Variants in CDC73 observed in about 807,000 individuals in gnomAD.
CDC73 encodes parafibromin.
CDC73 carries 21 observed loss-of-function variants against 83.7 expected under a neutral mutation model. That is an observed-to-expected ratio of 0.25 (90% CI 0.18 to 0.36). The LOEUF (loss-of-function observed/expected upper bound fraction) is 0.36. Among genes scored for constraint, CDC73 ranks in the 10% least tolerant of loss-of-function variants. The pLI, the probability that CDC73 is intolerant of heterozygous loss-of-function variation, is 1.00. For synonymous variants in CDC73, 224 were observed against 212.9 expected (o/e 1.05, Z -0.45); for missense variants, 342 against 653.3 (o/e 0.52, Z 5.19).
intron 10 of CDC73, among the ~76,000 whole-genome samples, chr1:193,167,965 G>T (rs146379976): frequency 0.012 from 1,858 of 152,130 alleles, 18 homozygotes; most frequent in South Asian, 0.034. Flanking sequence ...GGTTCAAGCA[G>T]TTCTCCTGCC....
chr1:193,165,189 C>G (rs964206272), intron 10 of CDC73, among the ~76,000 whole-genome samples: 2 of 152,192 alleles, frequency 1.3e-5, no homozygotes, highest in Non-Finnish European at 2.9e-5. Context: ...GCATGGAAAT[C>G]ACTTTCTCTA....
At chr1:193,153,317 G>T (rs2370029) in intron 10 of CDC73, among the ~76,000 whole-genome samples, 1 of 151,930 alleles carries the variant, frequency 6.6e-6, no homozygotes, top group African/African-American at 2.4e-5. Context: ...CAGGAATTCT[G>T]TTAACCTCAT....
At chr1:193,155,557 C>G (rs1223749292) in intron 10 of CDC73, among the ~76,000 whole-genome samples, 1 of 152,144 alleles carries the variant, frequency 6.6e-6, no homozygotes, top group African/African-American at 2.4e-5. Context: ...GTGGGCAGAT[C>G]ACTTGAAGCC....
intron 10 of CDC73, among the ~76,000 whole-genome samples, chr1:193,187,746 C>T (rs997789222): frequency 6.6e-6 from 1 of 151,986 alleles, no homozygotes. Context: ...AAAATTTTGT[C>T]CACATATTTT....
chr1:193,189,045 C>G (rs1253449140), intron 10 of CDC73, among the ~76,000 whole-genome samples: 2 of 151,778 alleles, frequency 1.3e-5, no homozygotes, highest in East Asian at 1.9e-4. Flanking sequence ...CCTCTGCTTC[C>G]CAGGTTCAAG....
intron 13 of CDC73, among the ~76,000 whole-genome samples, chr1:193,221,341 G>A (rs1339338817): frequency 6.6e-6 from 1 of 151,998 alleles, no homozygotes; most frequent in Non-Finnish European, 1.5e-5. Context: ...CCTGGGACTC[G>A]ATTTTAGTTC....
chr1:193,211,924 A>G (rs750681586), intron 11 of CDC73, 141 bp from the exon 12 acceptor site: 7 of 661,068 alleles, frequency 1.1e-5, no homozygotes, highest in Non-Finnish European at 1.6e-5. Context: ...TGTTGAGAAG[A>G]TAGTTGTAAA....
intron 10 of CDC73, among the ~76,000 whole-genome samples, chr1:193,172,446 G>C (rs775613465): frequency 1.8e-4 from 28 of 152,072 alleles, no homozygotes; most frequent in Non-Finnish European, 4.0e-4. Context: ...GATTAGGGAA[G>C]AAGAGAGAAT....
At chr1:193,155,101 T>A (rs1452168259) in intron 10 of CDC73, among the ~76,000 whole-genome samples, 1 of 152,246 alleles carries the variant, frequency 6.6e-6, no homozygotes, top group Non-Finnish European at 1.5e-5. Context: ...GACTAAATTA[T>A]GCAGACGGCT....
intron 10 of CDC73, among the ~76,000 whole-genome samples, chr1:193,195,534 T>C (rs1192871794): frequency 6.6e-6 from 1 of 152,188 alleles, no homozygotes; most frequent in Non-Finnish European, 1.5e-5. Context: ...AATTGTTGGA[T>C]CATATGTTAA....
At chr1:193,145,512 T>C (rs1044973654) in intron 7 of CDC73, among the ~76,000 whole-genome samples, 18 of 152,232 alleles carry the variant, frequency 1.2e-4, no homozygotes, top group African/African-American at 4.1e-4. Flanking sequence ...CTGCCACTCT[T>C]TCTTGTCATT....
intron 13 of CDC73, among the ~76,000 whole-genome samples, chr1:193,232,200 T>G (rs1325843986): frequency 6.6e-6 from 1 of 152,112 alleles, no homozygotes; most frequent in South Asian, 2.1e-4. Context: ...CTCTGAAGTT[T>G]GATGGTATTT....
intron 10 of CDC73, among the ~76,000 whole-genome samples, chr1:193,201,701 C>T (rs1677093992): frequency 6.6e-6 from 1 of 151,934 alleles, no homozygotes; most frequent in African/African-American, 2.4e-5. Flanking sequence ...CAAAAATAGA[C>T]AAAAATTCCT....
chr1:193,240,085 T>G (rs1206168485), intron 15 of CDC73, among the ~76,000 whole-genome samples: 2 of 152,134 alleles, frequency 1.3e-5, no homozygotes, highest in African/African-American at 2.4e-5. Context: ...CTTTTAACGT[T>G]CCCACATAAA....
Position 193,147,883 on chromosome 1 carries a change from T to C in CDC73, c.746T>C (p.Ile249Thr), listed in dbSNP as rs973863694. The C allele has an allele frequency of 7.5e-6, 12 of 1,608,146 alleles. No individual in the cohort carries two copies. The highest frequency in any genetic ancestry group is 1.0e-5 in the Non-Finnish European group (12 of 1,175,128). Residue 249 changes from isoleucine (I) to threonine (T), a missense_variant, in exon 8 of 17, where the codon ATT (isoleucine) becomes ACT (threonine). Transcript: ENST00000367435. The stretch of plus-strand genomic sequence containing the variant: ...ATATTTTAGAATTTTTCCAAGAACA[T>C]TTTTGCAATTCTTCAATCTGTAAAA... The part of the protein sequence containing the change: ...QSTGKNFSKN[I>T]FAILQSVKAR...
chr1:193,242,103 A>G (rs1018601804), intron 15 of CDC73, among the ~76,000 whole-genome samples: 1 of 152,140 alleles, frequency 6.6e-6, no homozygotes, highest in African/African-American at 2.4e-5. Context: ...GCAGGTTTGC[A>G]GGGGTTGGGG....
chr1:193,123,386 G>T (rs984849361), intron 1 of CDC73, among the ~76,000 whole-genome samples: 4 of 152,024 alleles, frequency 2.6e-5, no homozygotes, highest in African/African-American at 9.7e-5. Flanking sequence ...CGCCACCATG[G>T]CCGGCTAATT....
At chr1:193,242,518 A>G (rs1218191203) in intron 15 of CDC73, among the ~76,000 whole-genome samples, 1 of 152,120 alleles carries the variant, frequency 6.6e-6, no homozygotes, top group Non-Finnish European at 1.5e-5. Context: ...TCAAAGTGTG[A>G]TTATCTACTC....
intron 10 of CDC73, among the ~76,000 whole-genome samples, chr1:193,170,028 T>TA (rs1475179654): frequency 6.6e-6 from 1 of 152,208 alleles, no homozygotes; most frequent in Non-Finnish European, 1.5e-5. Flanking sequence ...AGCTGCCACT[T>TA]ATACGTGAGA....
Sources: gnomAD v4.1 joint callset for allele counts (sites outside exome capture counted in the v4.1 genomes callset) on GRCh38, gnomAD v4.1.1 for gene constraint, MANE v1.5 for transcripts, NCBI Gene and HGNC (gene_info 2026-07-23, HGNC 2026-07-21) for gene names.